Variants in FER observed in about 807,000 individuals in gnomAD.
FER encodes tyrosine-protein kinase Fer.
FER carries 63 observed loss-of-function variants against 111.0 expected under a neutral mutation model. The observed-to-expected ratio is 0.57, with a 90% CI of 0.46 to 0.70. The LOEUF (loss-of-function observed/expected upper bound fraction) is 0.70, where lower values mean the gene tolerates loss of function less well. FER is among the 30% of genes least tolerant of loss of function. FER has a pLI of 0.00. For missense variants in FER, 914 were observed against 954.0 expected (o/e 0.96, Z 0.55); for synonymous variants, 327 against 313.9 (o/e 1.04, Z -0.44).
chr5:108,825,332 C>G (rs1056513306), intron 3 of FER, among the ~76,000 whole-genome samples: 1 of 152,160 alleles, frequency 6.6e-6, no homozygotes, highest in Non-Finnish European at 1.5e-5. Context: ...GAGACGTACC[C>G]CTAGGTGCGC....
chr5:108,822,868 C>T (rs1293807369), intron 3 of FER, among the ~76,000 whole-genome samples: 1 of 151,668 alleles, frequency 6.6e-6, no homozygotes, highest in African/African-American at 2.4e-5. Flanking sequence ...CGGCTCACTG[C>T]AGCCTCTGCC....
intron 1 of FER, among the ~76,000 whole-genome samples, chr5:108,758,292 AG>A (rs1396412389): frequency 2.0e-5 from 3 of 152,144 alleles, no homozygotes; most frequent in African/African-American, 7.2e-5. Context: ...TGTGGGGAAA[AG>A]AGCAAACCTA....
chr5:109,085,472 A>AT (rs1280609771), intron 16 of FER, among the ~76,000 whole-genome samples: 2 of 141,932 alleles, frequency 1.4e-5, no homozygotes, highest in African/African-American at 2.6e-5. Context: ...TTTTTTGTAG[A>AT]TTTTTTTTCT....
intron 13 of FER, among the ~76,000 whole-genome samples, chr5:109,034,770 C>T (rs2149873727): frequency 6.6e-6 from 1 of 152,114 alleles, no homozygotes; most frequent in Middle Eastern, 3.4e-3. Context: ...TTATCATTGT[C>T]TAAAGTGGAA....
At chr5:108,938,139 C>T (rs1426066672) in intron 10 of FER, among the ~76,000 whole-genome samples, 2 of 150,970 alleles carry the variant, frequency 1.3e-5, no homozygotes, top group Non-Finnish European at 3.0e-5. Context: ...CTCAGAGATC[C>T]ATTAGGTTCT....
chr5:109,194,720 A>T lies in FER; in HGVS notation c.*7145A>T, dbSNP rs550224118. The T allele has an allele frequency of 2.6e-5, 4 of 152,328 alleles. No individual in the cohort carries two copies. The East Asian group carries it at 7.7e-4, about 29-fold the overall frequency. The allele number at this position is 152,328 out of a possible 1,614,324, so 9.4% of individuals were successfully genotyped here. ...TCGGCGTTCTGAGCAACACAGGATA[A>T]ATGTAGGAGGGCCTTAAAAAATAAA... On this transcript the variant is annotated 3_prime_UTR_variant, in exon 20 of 20. Coordinates refer to ENST00000281092, the MANE Select transcript of FER (RefSeq NM_005246.4).
At chr5:108,769,403 T>A (rs1752656686) in intron 2 of FER, among the ~76,000 whole-genome samples, 1 of 152,120 alleles carries the variant, frequency 6.6e-6, no homozygotes, top group Non-Finnish European at 1.5e-5. Context: ...AAAATACCAG[T>A]GTGGTTGACA....
At chr5:109,000,258 C>A (rs1764557925) in intron 13 of FER, among the ~76,000 whole-genome samples, 1 of 151,200 alleles carries the variant, frequency 6.6e-6, no homozygotes, top group African/African-American at 2.4e-5. Flanking sequence ...GCATCATAAA[C>A]AGAATTTTAA....
At chr5:108,896,913 G>T (rs1312871948) in intron 9 of FER, among the ~76,000 whole-genome samples, 1 of 152,074 alleles carries the variant, frequency 6.6e-6, no homozygotes, top group Non-Finnish European at 1.5e-5. Flanking sequence ...GTAATATATA[G>T]TGTGGGCTAT....
At chr5:108,782,844 T>A (rs577535602) in intron 2 of FER, 1 of 152,340 alleles carries the variant, frequency 6.6e-6, no homozygotes, top group South Asian at 2.1e-4. Context: ...GATGCCTAAT[T>A]GCCCCTGTAC....
At chr5:109,014,350 C>A (rs1766731478) in intron 13 of FER, among the ~76,000 whole-genome samples, 1 of 152,146 alleles carries the variant, frequency 6.6e-6, no homozygotes, top group Non-Finnish European at 1.5e-5. Flanking sequence ...ATCCTTTCCC[C>A]ATTGTTGTTT....
At chr5:108,776,801 C>T (rs1222588818) in intron 2 of FER, among the ~76,000 whole-genome samples, 1 of 151,968 alleles carries the variant, frequency 6.6e-6, no homozygotes, top group Non-Finnish European at 1.5e-5. Flanking sequence ...TCCTAAATAC[C>T]AAATTAAATA....
chr5:109,074,273 T>G (rs1201204195), intron 16 of FER, among the ~76,000 whole-genome samples: 2 of 152,172 alleles, frequency 1.3e-5, no homozygotes, highest in African/African-American at 2.4e-5. Context: ...TCCACACTTT[T>G]CAGTTGCTAC....
chr5:108,846,569 C>T (rs527490231), intron 5 of FER, among the ~76,000 whole-genome samples: 1 of 151,560 alleles, frequency 6.6e-6, no homozygotes, highest in Non-Finnish European at 1.5e-5. Context: ...CTTTATTCAC[C>T]TTTTTATTTA....
intron 13 of FER, among the ~76,000 whole-genome samples, chr5:109,024,805 A>C (rs1768446518): frequency 6.6e-6 from 1 of 152,114 alleles, no homozygotes; most frequent in Non-Finnish European, 1.5e-5. Context: ...TATAAGGTGT[A>C]AGGAAGGGAT....
At chr5:108,785,587 G>T in intron 2 of FER, 2 of 436,898 alleles carry the variant, frequency 4.6e-6, no homozygotes, top group South Asian at 3.8e-5. Flanking sequence ...ATTAAGAAAC[G>T]AACAAACTGG....
intron 5 of FER, among the ~76,000 whole-genome samples, chr5:108,853,710 C>G (rs1762739178): frequency 6.6e-6 from 1 of 152,032 alleles, no homozygotes; most frequent in Non-Finnish European, 1.5e-5. Flanking sequence ...GAGATGAGGT[C>G]AGAGAGGGAG....
At chr5:108,950,791 A>T (rs543579214) in intron 11 of FER, among the ~76,000 whole-genome samples, 1 of 152,282 alleles carries the variant, frequency 6.6e-6, no homozygotes, top group East Asian at 1.9e-4. Context: ...GAAATGGCAT[A>T]AAATACACTT....
At chr5:109,053,286 G>A (rs1773103043) in intron 16 of FER, among the ~76,000 whole-genome samples, 1 of 151,734 alleles carries the variant, frequency 6.6e-6, no homozygotes, top group Non-Finnish European at 1.5e-5. Flanking sequence ...GGGAGGCTGA[G>A]GGAGGAGAAT....
Sources: allele counts gnomAD v4.1 joint callset (sites outside exome capture counted in the v4.1 genomes callset), GRCh38; gene constraint gnomAD v4.1.1; transcripts MANE v1.5; gene names NCBI Gene and HGNC (gene_info 2026-07-23, HGNC 2026-07-21).